ANK3: variants seen among roughly 807,000 people sequenced by gnomAD.
ANK3 encodes the protein ankyrin-3.
ANK3 carries 57 observed loss-of-function variants against 370.9 expected under a neutral mutation model. The observed-to-expected ratio is 0.15, with a 90% confidence interval of 0.12 to 0.19. The LOEUF is 0.19. Ranked by LOEUF, ANK3 falls within the 10% of genes least tolerant of loss-of-function variation. ANK3 has a pLI of 1.00. For missense variants in ANK3, 4,439 were observed against 5,302.1 expected, an observed-to-expected ratio of 0.84 and a Z score of 5.06; for synonymous variants, 1,929 against 1,946.3, an observed-to-expected ratio of 0.99 and a Z score of 0.23.
At chr10:60,201,705 CTTCTT>C (rs199858300) in intron 12 of ANK3, among the ~76,000 whole-genome samples, 3,253 of 124,422 alleles carry the variant, frequency 0.026, 47 homozygotes, top group Admixed American at 0.051. Flanking sequence ...GTTGAAATCA[CTTCTT>C]TTTTTTTTTT....
At chr10:60,078,556 C>T (rs765654225) in intron 36 of ANK3, among the ~76,000 whole-genome samples, 21 of 152,294 alleles carry the variant, frequency 1.4e-4, no homozygotes, top group Admixed American at 5.9e-4. Flanking sequence ...TTTTGAACCA[C>T]GTCTATGGTT....
intron 1 of ANK3, among the ~76,000 whole-genome samples, chr10:60,348,367 A>C (rs75502794): frequency 0.44 from 55,302 of 126,102 alleles, 12,850 homozygotes; most frequent in South Asian, 0.65. Context: ...AAAAAAAAAA[A>C]AAACACAAAA....
At chr10:60,283,445 A>G (rs7896808) in intron 1 of ANK3, among the ~76,000 whole-genome samples, 3,316 of 152,264 alleles carry the variant, frequency 0.022, 112 homozygotes, top group African/African-American at 0.075. Flanking sequence ...AGGTTCAAAG[A>G]CAAGCTGGGT....
chr10:60,313,625 C>A (rs1228570948), intron 1 of ANK3, among the ~76,000 whole-genome samples: 2 of 152,200 alleles, frequency 1.3e-5, no homozygotes, highest in African/African-American at 4.8e-5. Context: ...TCTCCTGCAA[C>A]TATCAGCGCT....
intron 2 of ANK3, among the ~76,000 whole-genome samples, chr10:60,561,370 A>C (rs988605766): frequency 6.6e-6 from 1 of 152,188 alleles, no homozygotes; most frequent in Non-Finnish European, 1.5e-5. Flanking sequence ...CTGGGTACCA[A>C]GGGGGAAAGT....
chr10:60,625,828 T>C (rs1293503512), intron 1 of ANK3, among the ~76,000 whole-genome samples: 4 of 152,196 alleles, frequency 2.6e-5, no homozygotes, highest in African/African-American at 7.2e-5. Flanking sequence ...ATGGTTCTTA[T>C]AAAATTAGGA....
chr10:60,339,747 C>A (rs760355024), intron 1 of ANK3, among the ~76,000 whole-genome samples: 11 of 152,096 alleles, frequency 7.2e-5, no homozygotes, highest in African/African-American at 1.4e-4. Flanking sequence ...TTTTGGTGAA[C>A]AGAAAACATG....
chr10:60,669,265 T>G (rs1324223210), intron 1 of ANK3, among the ~76,000 whole-genome samples: 2 of 152,234 alleles, frequency 1.3e-5, no homozygotes, highest in African/African-American at 4.8e-5. Flanking sequence ...AGTGCAGCGC[T>G]AAATAACTTG....
chr10:60,598,583 A>G (rs2078019348), intron 2 of ANK3, among the ~76,000 whole-genome samples: 2 of 152,356 alleles, frequency 1.3e-5, no homozygotes, highest in East Asian at 1.9e-4. Context: ...ATAAGTCAAA[A>G]TGTCAAAATT....
intron 1 of ANK3, among the ~76,000 whole-genome samples, chr10:60,374,123 C>T (rs1010555): frequency 0.08 from 12,138 of 151,686 alleles, 654 homozygotes; most frequent in Middle Eastern, 0.16. Flanking sequence ...CCTACTGTGT[C>T]CTGCAGTAGG....
intron 1 of ANK3, among the ~76,000 whole-genome samples, chr10:60,669,389 T>G (rs578198795): frequency 2.0e-5 from 3 of 152,252 alleles, no homozygotes; most frequent in African/African-American, 4.8e-5. Context: ...GTGATTTTGG[T>G]TTTTTTGCCT....
chr10:60,169,284 G>A (rs1484431564), intron 21 of ANK3, among the ~76,000 whole-genome samples: 1 of 150,098 alleles, frequency 6.7e-6, no homozygotes, highest in African/African-American at 2.5e-5. Context: ...ATTTGCATTT[G>A]ACTTTCCTTG....
intron 2 of ANK3, among the ~76,000 whole-genome samples, chr10:60,468,782 T>C (rs373603862): frequency 3.3e-5 from 5 of 151,754 alleles, no homozygotes; most frequent in Non-Finnish European, 5.9e-5. Context: ...TCACTCAATA[T>C]ACACTGGTTA....
chr10:60,197,989 G>A (rs2096614107), intron 14 of ANK3, among the ~76,000 whole-genome samples: 1 of 152,148 alleles, frequency 6.6e-6, no homozygotes, highest in Admixed American at 6.5e-5. Context: ...TCTACCAACC[G>A]AGCTGTGATA....
intron 2 of ANK3, among the ~76,000 whole-genome samples, chr10:60,395,542 T>C (rs1442320184): frequency 3.3e-5 from 5 of 149,854 alleles, no homozygotes; most frequent in Non-Finnish European, 7.4e-5. Flanking sequence ...AGCAATCAAC[T>C]ACTATGCCTC....
At chr10:60,441,962 A>G (rs2064309667) in intron 2 of ANK3, among the ~76,000 whole-genome samples, 1 of 152,280 alleles carries the variant, frequency 6.6e-6, no homozygotes, top group East Asian at 1.9e-4. Context: ...AAGAGCAAAC[A>G]AATACAGTTG....
chr10:60,574,771 T>C (rs2077662684), intron 2 of ANK3, among the ~76,000 whole-genome samples: 1 of 152,156 alleles, frequency 6.6e-6, no homozygotes, highest in Non-Finnish European at 1.5e-5. Flanking sequence ...TCTAAGCAGG[T>C]GGATTCAATT....
intron 28 of ANK3, among the ~76,000 whole-genome samples, chr10:60,094,524 T>C (rs944401370): frequency 1.3e-5 from 2 of 152,148 alleles, no homozygotes; most frequent in Non-Finnish European, 2.9e-5. Context: ...GGTTTCATCC[T>C]GTTTGTGTGC....
intron 2 of ANK3, among the ~76,000 whole-genome samples, chr10:60,469,302 T>TATATAC (rs1297761396): frequency 5.9e-4 from 11 of 18,536 alleles, no homozygotes; most frequent in Admixed American, 2.0e-3. Context: ...TATATATATA[T>TATATAC]ATATACCACT....
Sources: gnomAD v4.1 joint callset for allele counts (sites outside exome capture counted in the v4.1 genomes callset) on GRCh38, gnomAD v4.1.1 for gene constraint, MANE v1.5 for transcripts, NCBI Gene and HGNC (gene_info 2026-07-23, HGNC 2026-07-21) for gene names.